LRRC7: variants seen among roughly 807,000 people sequenced by gnomAD.
The protein encoded by LRRC7 is leucine rich repeat containing 7.
LRRC7 carries 23 observed loss-of-function variants against 175.7 expected under a neutral mutation model. The ratio of observed to expected loss-of-function variants is 0.13; its 90% CI spans 0.09 to 0.19. The LOEUF is 0.19. Among genes scored for constraint, LRRC7 ranks in the 10% least tolerant of loss-of-function variants. The pLI is 1.00. For missense variants in LRRC7, 1,354 were observed against 1,904.7 expected (o/e 0.71, Z 5.38); for synonymous variants, 685 against 680.9 (o/e 1.01, Z -0.09).
chr1:69,583,282 T>C (rs1646271762), intron 1 of LRRC7, among the ~76,000 whole-genome samples: 1 of 152,022 alleles, frequency 6.6e-6, no homozygotes, highest in South Asian at 2.1e-4. Context: ...TTAAATTAAC[T>C]ATACTTTTAC....
In LRRC7 at chr1:69,951,406, A is replaced by T. The variant is rs114567057; in HGVS notation, c.711+19836A>T. Reference sequence around the variant, plus strand: ...AAGTCCTCAAAGAGGTAAAAGCAGAACTACCATTCAATCCAGCAATCCCAC... The same window carrying T: ...AAGTCCTCAAAGAGGTAAAAGCAGATCTACCATTCAATCCAGCAATCCCAC... On this transcript the variant is annotated intron_variant, in intron 8 of 26. Coordinates refer to ENST00000651989, the MANE Select transcript of LRRC7 (RefSeq NM_001370785.2). 5.0e-3 allele frequency among the ~76,000 whole-genome samples: 765 copies of T among 152,162 alleles called. 9 individuals carry two copies. Among genetic ancestry groups the T allele is most frequent in the African/African-American group, 0.018 (744 of 41,530 alleles).
intron 21 of LRRC7, among the ~76,000 whole-genome samples, chr1:70,042,280 C>G (rs1191868856): frequency 6.6e-6 from 1 of 152,152 alleles, no homozygotes; most frequent in African/African-American, 2.4e-5. Context: ...TATGTAAAAC[C>G]AGTTTCGACA....
chr1:69,604,073 A>AT (rs1232970191), intron 1 of LRRC7, among the ~76,000 whole-genome samples: 1 of 152,124 alleles, frequency 6.6e-6, no homozygotes, highest in Non-Finnish European at 1.5e-5. Context: ...ATATTTTAAG[A>AT]TTTTGTTTCC....
At chr1:69,602,407 G>A (rs1171008951) in intron 1 of LRRC7, among the ~76,000 whole-genome samples, 2 of 152,098 alleles carry the variant, frequency 1.3e-5, no homozygotes, top group African/African-American at 4.8e-5. Context: ...TCTTTCAAGT[G>A]GCAGACAGCT....
intron 21 of LRRC7, among the ~76,000 whole-genome samples, chr1:70,040,840 A>G (rs1378940302): frequency 1.3e-5 from 2 of 152,148 alleles, no homozygotes; most frequent in East Asian, 1.9e-4. Flanking sequence ...AATTGTGTCC[A>G]CAATAAAGCA....
At chr1:69,987,015 G>A (rs1259203073) in intron 10 of LRRC7, among the ~76,000 whole-genome samples, 3 of 152,138 alleles carry the variant, frequency 2.0e-5, no homozygotes, top group South Asian at 2.1e-4. Flanking sequence ...AGGCCAAGGC[G>A]GGTGGGTCAC....
intron 7 of LRRC7, among the ~76,000 whole-genome samples, chr1:69,844,780 GT>G (rs1255091316): frequency 1.3e-5 from 2 of 151,956 alleles, no homozygotes; most frequent in African/African-American, 4.8e-5. Context: ...TTACCATACT[GT>G]TTTCCATAGG....
intron 7 of LRRC7, among the ~76,000 whole-genome samples, chr1:69,877,354 A>G (rs369334712): frequency 1.5e-4 from 23 of 152,232 alleles, no homozygotes; most frequent in East Asian, 7.7e-4. Context: ...TTGAGAGGCC[A>G]AGGCAGGAGG....
intron 2 of LRRC7, among the ~76,000 whole-genome samples, chr1:69,733,133 T>C (rs776511407): frequency 1.3e-5 from 2 of 152,084 alleles, no homozygotes; most frequent in Non-Finnish European, 2.9e-5. Context: ...TATTTATAAA[T>C]GAGGACATGT....
intron 7 of LRRC7, 27 bp from the exon 8 acceptor site, chr1:69,931,480 A>T (rs1481187683): frequency 1.9e-6 from 3 of 1,593,708 alleles, no homozygotes; most frequent in Admixed American, 3.3e-5. Context: ...ACTACCTCAC[A>T]ATAGTATTTT....
At chr1:69,953,994 A>G (rs556612404) in intron 8 of LRRC7, among the ~76,000 whole-genome samples, 1 of 152,212 alleles carries the variant, frequency 6.6e-6, no homozygotes, top group African/African-American at 2.4e-5. Flanking sequence ...CTCTTAAACT[A>G]TAAGCATCTT....
chr1:69,781,005 A>G (rs1673421457), intron 3 of LRRC7, among the ~76,000 whole-genome samples: 1 of 152,200 alleles, frequency 6.6e-6, no homozygotes, highest in South Asian at 2.1e-4. Flanking sequence ...ATTTTTTCTA[A>G]GAAACTAAAC....
intron 8 of LRRC7, among the ~76,000 whole-genome samples, chr1:69,938,280 A>G (rs1648259987): frequency 6.6e-6 from 1 of 152,080 alleles, no homozygotes. Context: ...TCCACAAACT[A>G]TATTAGAAGA....
chr1:69,616,802 AGGGATAGGCTACTGTAAGG>A (rs1406465606), intron 1 of LRRC7, among the ~76,000 whole-genome samples: 1 of 152,096 alleles, frequency 6.6e-6, no homozygotes, highest in African/African-American at 2.4e-5. Flanking sequence ...CAAAATGGCA[AGGGATAGGCTACTGTAAGG>A]ACGATGCGGG....
At chr1:69,749,913 T>C (rs1445722977) in intron 2 of LRRC7, among the ~76,000 whole-genome samples, 2 of 151,712 alleles carry the variant, frequency 1.3e-5, no homozygotes, top group Admixed American at 6.6e-5. Flanking sequence ...ATATAAAAAT[T>C]AGCCAGGCAT....
intron 2 of LRRC7, among the ~76,000 whole-genome samples, chr1:69,749,296 A>G (rs1353549403): frequency 1.3e-5 from 2 of 152,202 alleles, no homozygotes; most frequent in Non-Finnish European, 2.9e-5. Flanking sequence ...AATTGCTTCT[A>G]GCTTGATCCT....
At chr1:69,746,394 C>T (rs1443758139) in intron 2 of LRRC7, among the ~76,000 whole-genome samples, 1 of 151,918 alleles carries the variant, frequency 6.6e-6, no homozygotes, top group East Asian at 1.9e-4. Context: ...AGTTTTACTT[C>T]TGAAAATGAG....
At chr1:69,908,111 C>T (rs530014128) in intron 7 of LRRC7, among the ~76,000 whole-genome samples, 5 of 152,190 alleles carry the variant, frequency 3.3e-5, no homozygotes, top group Middle Eastern at 6.8e-3. Context: ...GGTGATATCG[C>T]CTTTATCATT....
intron 2 of LRRC7, among the ~76,000 whole-genome samples, chr1:69,735,399 G>A (rs1668002491): frequency 6.6e-6 from 1 of 151,944 alleles, no homozygotes; most frequent in African/African-American, 2.4e-5. Context: ...TACTGGATTT[G>A]TTAATTATTT....
Sources: allele counts gnomAD v4.1 joint callset (sites outside exome capture counted in the v4.1 genomes callset), GRCh38; gene constraint gnomAD v4.1.1; transcripts MANE v1.5; gene names NCBI Gene and HGNC (gene_info 2026-07-23, HGNC 2026-07-21).